ASIC2: variants seen among roughly 807,000 people sequenced by gnomAD.
ASIC2 encodes the protein acid-sensing ion channel 2.
A neutral mutation model predicts 57.3 loss-of-function variants in ASIC2; 25 were observed. That is an observed-to-expected ratio of 0.44 (90% CI 0.32 to 0.61). The LOEUF is 0.61. ASIC2 is among the 20% of genes least tolerant of loss of function. ASIC2 has a pLI of 0.06. For synonymous variants in ASIC2, 319 were observed against 307.5 expected (o/e 1.04, Z -0.39); for missense variants, 641 against 738.1 (o/e 0.87, Z 1.52).
At chr17:33,180,740 G>C (rs1454675190) in intron 1 of ASIC2, among the ~76,000 whole-genome samples, 1 of 152,146 alleles carries the variant, frequency 6.6e-6, no homozygotes, top group Non-Finnish European at 1.5e-5. Context: ...GCTTCCTGAT[G>C]CTTCCTATTG....
At chr17:33,943,423 T>G (rs1268877386) in intron 1 of ASIC2, among the ~76,000 whole-genome samples, 1 of 152,172 alleles carries the variant, frequency 6.6e-6, no homozygotes, top group Non-Finnish European at 1.5e-5. Flanking sequence ...AGGTGACATT[T>G]GCATGGCACT....
At chr17:33,417,419 G>A (rs572893873) in intron 1 of ASIC2, among the ~76,000 whole-genome samples, 3 of 152,174 alleles carry the variant, frequency 2.0e-5, no homozygotes, top group Non-Finnish European at 4.4e-5. Context: ...AAATCTGTCT[G>A]TCTGTAGCTT....
chr17:34,053,936 A>G (rs1218995262), intron 1 of ASIC2, among the ~76,000 whole-genome samples: 2 of 152,224 alleles, frequency 1.3e-5, no homozygotes, highest in Non-Finnish European at 2.9e-5. Flanking sequence ...TCAGGTACCT[A>G]TAAGACCTCC....
chr17:34,087,465 C>G (rs1244737660), intron 1 of ASIC2, among the ~76,000 whole-genome samples: 1 of 152,128 alleles, frequency 6.6e-6, no homozygotes, highest in Non-Finnish European at 1.5e-5. Context: ...CTCTGGCTGC[C>G]CTTAACATTT....
At chr17:33,206,688 G>A (rs937168421) in intron 1 of ASIC2, among the ~76,000 whole-genome samples, 1 of 152,116 alleles carries the variant, frequency 6.6e-6, no homozygotes, top group Admixed American at 6.5e-5. Context: ...GATTGGGGAA[G>A]GGAGGCTCTG....
At chr17:34,119,190 A>G (rs1911518423) in intron 1 of ASIC2, among the ~76,000 whole-genome samples, 1 of 152,182 alleles carries the variant, frequency 6.6e-6, no homozygotes, top group African/African-American at 2.4e-5. Context: ...TAAAGGGAAC[A>G]TAATAGAAGG....
intron 1 of ASIC2, among the ~76,000 whole-genome samples, chr17:33,901,732 T>C (rs961124183): frequency 6.6e-6 from 1 of 152,144 alleles, no homozygotes; most frequent in African/African-American, 2.4e-5. Flanking sequence ...ATAGAAAATC[T>C]TGTGATCTTG....
At chr17:33,959,442 A>G (rs1260238029) in intron 1 of ASIC2, among the ~76,000 whole-genome samples, 2 of 152,224 alleles carry the variant, frequency 1.3e-5, no homozygotes, top group East Asian at 1.9e-4. Context: ...AAGTCCCACA[A>G]TAGGCTATCT....
intron 1 of ASIC2, among the ~76,000 whole-genome samples, chr17:33,422,265 A>T (rs1280799629): frequency 1.3e-5 from 2 of 152,190 alleles, no homozygotes; most frequent in Admixed American, 6.5e-5. Flanking sequence ...GCTCCTGAGG[A>T]TGAAATGAGC....
At chr17:33,599,861 A>C (rs560321020) in intron 1 of ASIC2, among the ~76,000 whole-genome samples, 6 of 152,168 alleles carry the variant, frequency 3.9e-5, no homozygotes, top group Non-Finnish European at 8.8e-5. Flanking sequence ...AGGATGGCTC[A>C]GACTTCCCAC....
At chr17:33,129,562 C>T (rs1267617031) in intron 1 of ASIC2, among the ~76,000 whole-genome samples, 1 of 152,200 alleles carries the variant, frequency 6.6e-6, no homozygotes, top group Admixed American at 6.5e-5. Context: ...TTGGGAGATG[C>T]ACATATTCTG....
At chr17:33,880,991 C>G (rs991793288) in intron 1 of ASIC2, among the ~76,000 whole-genome samples, 1 of 152,276 alleles carries the variant, frequency 6.6e-6, no homozygotes, top group Admixed American at 6.5e-5. Context: ...AGCATATAAA[C>G]AGAACCAACG....
intron 1 of ASIC2, among the ~76,000 whole-genome samples, chr17:33,261,587 C>A (rs1909282292): frequency 6.6e-6 from 1 of 152,138 alleles, no homozygotes; most frequent in Non-Finnish European, 1.5e-5. Context: ...TTGCAGTAAT[C>A]ATAACAGCTG....
intron 1 of ASIC2, among the ~76,000 whole-genome samples, chr17:33,144,982 C>A (rs1446838735): frequency 1.3e-5 from 2 of 152,204 alleles, no homozygotes; most frequent in Non-Finnish European, 2.9e-5. Context: ...AGAGCTAGTA[C>A]AAGGCCTGGT....
intron 1 of ASIC2, among the ~76,000 whole-genome samples, chr17:33,701,755 A>C (rs1908708367): frequency 6.6e-6 from 1 of 152,230 alleles, no homozygotes; most frequent in Non-Finnish European, 1.5e-5. Context: ...GGTATTTGCA[A>C]GTCACTTAAT....
intron 1 of ASIC2, among the ~76,000 whole-genome samples, chr17:33,130,588 C>T (rs1567756132): frequency 6.6e-6 from 1 of 152,214 alleles, no homozygotes; most frequent in South Asian, 2.1e-4. Flanking sequence ...TCTGCATGCT[C>T]CTCAACTCCC....
intron 1 of ASIC2, among the ~76,000 whole-genome samples, chr17:33,222,199 AAT>A (rs1172330885): frequency 6.6e-6 from 1 of 152,238 alleles, no homozygotes; most frequent in African/African-American, 2.4e-5. Context: ...AAAACTGATG[AAT>A]AGTTAAATAA....
intron 3 of ASIC2, among the ~76,000 whole-genome samples, chr17:33,033,708 G>A (rs745552512): frequency 6.6e-6 from 1 of 152,226 alleles, no homozygotes; most frequent in Non-Finnish European, 1.5e-5. Flanking sequence ...TGGGTCCCCA[G>A]TAAGGCCCCA....
chr17:33,833,560 G>A (rs1488094463), intron 1 of ASIC2, among the ~76,000 whole-genome samples: 1 of 152,012 alleles, frequency 6.6e-6, no homozygotes, highest in Non-Finnish European at 1.5e-5. Context: ...GTGTGTGCAT[G>A]TGTAGAAGAC....
Sources: allele counts gnomAD v4.1 joint callset (sites outside exome capture counted in the v4.1 genomes callset), GRCh38; gene constraint gnomAD v4.1.1; transcripts MANE v1.5; gene names NCBI Gene and HGNC (gene_info 2026-07-23, HGNC 2026-07-21).